Variants in DNAH8 observed in about 807,000 individuals in gnomAD.
DNAH8 encodes axonemal beta dynein heavy chain 8.
DNAH8 carries 382 observed loss-of-function variants against 562.1 expected under a neutral mutation model. The ratio of observed to expected loss-of-function variants is 0.68; its 90% CI spans 0.63 to 0.74. The LOEUF (loss-of-function observed/expected upper bound fraction) is 0.74. Among genes scored for constraint, DNAH8 ranks in the 30% least tolerant of loss-of-function variants. The pLI, the probability that DNAH8 is intolerant of heterozygous loss-of-function variation, is 0.00. For synonymous variants in DNAH8, 1,881 were observed against 1,919.4 expected (o/e 0.98, Z 0.52); for missense variants, 5,203 against 5,620.4 (o/e 0.93, Z 2.37).
intron 21 of DNAH8, among the ~76,000 whole-genome samples, chr6:38,793,426 T>A (rs755692659): frequency 3.1e-4 from 47 of 152,212 alleles, no homozygotes; most frequent in Non-Finnish European, 5.7e-4. Flanking sequence ...CCTTAAGTTA[T>A]TTTGTTTGAT....
At chr6:38,937,609 G>A (rs930886488) in intron 77 of DNAH8, among the ~76,000 whole-genome samples, 6 of 152,174 alleles carry the variant, frequency 3.9e-5, no homozygotes, top group African/African-American at 1.4e-4. Context: ...ACACTTTGAG[G>A]AGAGCCACCA....
intron 88 of DNAH8, among the ~76,000 whole-genome samples, chr6:39,003,334 T>G (rs1765603295): frequency 6.6e-6 from 1 of 152,232 alleles, no homozygotes; most frequent in Non-Finnish European, 1.5e-5. Context: ...GAAATATTTG[T>G]CCCTGATTTA....
intron 92 of DNAH8, among the ~76,000 whole-genome samples, chr6:39,027,800 T>G (rs1249955976): frequency 6.6e-6 from 1 of 152,194 alleles, no homozygotes; most frequent in Non-Finnish European, 1.5e-5. Flanking sequence ...CACTCCAGCC[T>G]GGGTGACAGA....
chr6:38,989,114 G>C (rs1362564172), intron 87 of DNAH8, among the ~76,000 whole-genome samples: 1 of 152,198 alleles, frequency 6.6e-6, no homozygotes. Flanking sequence ...TCTAAAAAGA[G>C]CTGGAGGAAG....
rs762896298 is a variant in DNAH8 at position 38,911,505 on chromosome 6, C to T, written c.9778C>T (p.Leu3260Phe). 37 of 1,613,710 alleles carry T rather than the reference C, an allele frequency of 2.3e-5. No individual in the cohort carries two copies. Among genetic ancestry groups the T allele is most frequent in the Middle Eastern group, 1.6e-4 (1 of 6,084 alleles). ...RRAHVTPKSYLSFINGYKNIY... is the reference protein window; with the variant it reads ...RRAHVTPKSYFSFINGYKNIY... ...AGCACATGTGACTCCCAAATCTTAC[C>T]TCTCATTTATAAATGGTTATAAAAA... The change falls in exon 66 of 93, where the codon CTC becomes TTC. Residue 3260 changes from leucine (L) to phenylalanine (F), a missense_variant. By Grantham distance (22) the Leu-to-Phe change is conservative. Coordinates refer to ENST00000327475, the MANE Select transcript of DNAH8 (RefSeq NM_001206927.2).
intron 89 of DNAH8, among the ~76,000 whole-genome samples, chr6:39,009,764 A>G (rs12199125): frequency 0.11 from 16,594 of 152,224 alleles, 1,096 homozygotes; most frequent in Admixed American, 0.2. Context: ...ACAATAAAAA[A>G]TGTTTTATTG....
chr6:38,822,727 G>A (rs1772978739), intron 26 of DNAH8, 111 bp from the exon 27 acceptor site: 1 of 831,456 alleles, frequency 1.2e-6, no homozygotes, highest in Admixed American at 3.5e-5. Context: ...GTTTCTTGGA[G>A]GGAGAATCTT....
At chr6:38,876,830 G>A (rs1445676031) in intron 53 of DNAH8, among the ~76,000 whole-genome samples, 1 of 152,180 alleles carries the variant, frequency 6.6e-6, no homozygotes, top group East Asian at 1.9e-4. Context: ...GGGACACCAG[G>A]CACATTTAAG....
intron 80 of DNAH8, among the ~76,000 whole-genome samples, chr6:38,946,142 T>C (rs1011220648): frequency 2.0e-5 from 3 of 152,204 alleles, no homozygotes; most frequent in Non-Finnish European, 4.4e-5. Flanking sequence ...AGAATAAAGA[T>C]AGCTGTTTCT....
chr6:38,799,487 A>C (rs1272807817), intron 21 of DNAH8, among the ~76,000 whole-genome samples: 6 of 150,860 alleles, frequency 4.0e-5, no homozygotes, highest in Non-Finnish European at 4.4e-5. Flanking sequence ...TTACAACCAG[A>C]CTTCTCCAAA....
rs759866696 is a variant in DNAH8 at position 38,741,718 on chromosome 6, T to C, written c.1124T>C (p.Ile375Thr). 5.0e-6 allele frequency: 8 copies of C among 1,608,784 alleles called. No individual in the cohort carries two copies. Among genetic ancestry groups the C allele is most frequent in the East Asian group, 4.5e-5 (2 of 44,816 alleles). ...VWYKQIEQVL[I>T]ESEQMRKEAG... ...AAATTTTTTTGACTGCAGGTACTTA[T>C]TGAGAGTGAGCAGATGAGAAAAGAA... Residue 375 changes from isoleucine (I) to threonine (T), a missense_variant, in exon 8 of 93, where the codon ATT (isoleucine) becomes ACT (threonine). Physicochemically the swap from Ile to Thr is moderately conservative, Grantham distance 89 (BLOSUM62 -1). Transcript: ENST00000327475.
intron 88 of DNAH8, among the ~76,000 whole-genome samples, chr6:39,002,527 G>A (rs1004631721): frequency 6.6e-6 from 1 of 152,002 alleles, no homozygotes; most frequent in African/African-American, 2.4e-5. Flanking sequence ...TGTCGGAATG[G>A]GTCTCAAATG....
chr6:38,989,537 G>A (rs1313982326), intron 87 of DNAH8, among the ~76,000 whole-genome samples: 1 of 152,226 alleles, frequency 6.6e-6, no homozygotes, highest in Non-Finnish European at 1.5e-5. Context: ...TTTGCATGGA[G>A]CTCTCCTGGC....
chr6:38,755,486 A>C (rs893730504), intron 9 of DNAH8, among the ~76,000 whole-genome samples: 2 of 152,156 alleles, frequency 1.3e-5, no homozygotes, highest in African/African-American at 2.4e-5. Context: ...GCCTAATGGC[A>C]CTTGGTAGGA....
Position 38,744,685 on chromosome 6 carries a change from C to T in DNAH8, c.1293+2798C>T, listed in dbSNP as rs542743340. ...ATGATTCACTGCACGCTCGACCTCC[C>T]GGGCTCAAGTGATCCTCCTGCCTCA... On this transcript the variant is annotated intron_variant, in intron 8 of 92. Coordinates refer to ENST00000327475, the MANE Select transcript of DNAH8 (RefSeq NM_001206927.2). 1.6e-4 allele frequency among the ~76,000 whole-genome samples: 24 copies of T among 152,188 alleles called. No individual in the cohort carries two copies. The South Asian group carries it at 2.1e-3, about 13-fold the overall frequency.
intron 8 of DNAH8, among the ~76,000 whole-genome samples, chr6:38,748,044 G>A (rs540118750): frequency 3.3e-5 from 5 of 152,244 alleles, no homozygotes; most frequent in South Asian, 2.1e-4. Flanking sequence ...TCCCAGAATC[G>A]ACATTTGGAT....
chr6:38,826,817 T>G (rs1287376397), intron 29 of DNAH8, among the ~76,000 whole-genome samples: 4 of 152,188 alleles, frequency 2.6e-5, no homozygotes, highest in Admixed American at 2.6e-4. Context: ...AACAGTTCCC[T>G]CAGGCTCCAT....
intron 3 of DNAH8, among the ~76,000 whole-genome samples, chr6:38,728,213 C>G (rs2127571807): frequency 6.6e-6 from 1 of 152,220 alleles, no homozygotes; most frequent in South Asian, 2.1e-4. Flanking sequence ...AGCAGTCTGC[C>G]CACCTGGGCC....
chr6:38,859,014 C>T (rs1198404218), intron 42 of DNAH8, among the ~76,000 whole-genome samples: 1 of 152,156 alleles, frequency 6.6e-6, no homozygotes, highest in Non-Finnish European at 1.5e-5. Context: ...ATAAGGAAAA[C>T]TATGAAACCA....
Sources: gnomAD v4.1 joint callset for allele counts (sites outside exome capture counted in the v4.1 genomes callset) on GRCh38, gnomAD v4.1.1 for gene constraint, MANE v1.5 for transcripts, NCBI Gene and HGNC (gene_info 2026-07-23, HGNC 2026-07-21) for gene names.